The following TMEM135 variants were observed in gnomAD, a reference collection of about 807,000 sequenced individuals.
TMEM135 encodes transmembrane protein 135.
Under a neutral mutation model 60.3 loss-of-function variants are expected in TMEM135, and 30 were observed. The observed-to-expected ratio is 0.50, with a 90% CI of 0.37 to 0.68. The LOEUF is 0.68. TMEM135 is among the 30% of genes least tolerant of loss of function. TMEM135 has a pLI of 0.00. For synonymous variants in TMEM135, 190 were observed against 186.7 expected (o/e 1.02, Z -0.14); for missense variants, 468 against 548.8 (o/e 0.85, Z 1.47).
In TMEM135 at chr11:87,326,637, C is replaced by T. The variant is rs1438621990; in HGVS notation, c.*5304C>T. ...ATTCTTTTCTTTACCTTTCCTGGCCCATGCTTTCCTGCCATATCTTTGCTA... is the reference window on the plus strand; with the variant it reads ...ATTCTTTTCTTTACCTTTCCTGGCCTATGCTTTCCTGCCATATCTTTGCTA... On this transcript the variant is annotated 3_prime_UTR_variant, in exon 15 of 15. Coordinates refer to ENST00000305494, the MANE Select transcript of TMEM135 (RefSeq NM_022918.4). The T allele has an allele frequency of 1.1e-5, 5 of 453,882 alleles. No individual in the cohort carries two copies. Among genetic ancestry groups the T allele is most frequent in the Non-Finnish European group, 2.2e-5 (5 of 226,796 alleles). The allele number at this position is 453,882 out of a possible 1,614,324, so 28.1% of individuals were successfully genotyped here.
At position 87,277,969 on chromosome 11, in the gene TMEM135, C is replaced by T. The variant is rs186398571; in HGVS notation, c.510-17813C>T. On this transcript the variant is annotated intron_variant, in intron 6 of 14. Coordinates refer to ENST00000305494, the MANE Select transcript of TMEM135 (RefSeq NM_022918.4). Reference sequence around the variant, plus strand: ...TTTAAAACATTTTATCTATTTTTCCCTTGTAATGCATAGCTATGATTATGT... The same window carrying T: ...TTTAAAACATTTTATCTATTTTTCCTTTGTAATGCATAGCTATGATTATGT... Among the ~76,000 whole-genome samples, 210 of 152,226 alleles carry T rather than the reference C, an allele frequency of 1.4e-3. 1 individual carries two copies. The highest frequency in any genetic ancestry group is 4.8e-3 in the African/African-American group (199 of 41,536).
At chr11:87,136,338 T>C (rs1354862156) in intron 4 of TMEM135, among the ~76,000 whole-genome samples, 1 of 152,044 alleles carries the variant, frequency 6.6e-6, no homozygotes, top group Non-Finnish European at 1.5e-5. Context: ...TGTTTGGCCT[T>C]GTATCCTAGA....
chr11:87,144,574 A>G (rs929703105), intron 4 of TMEM135, among the ~76,000 whole-genome samples: 3 of 152,182 alleles, frequency 2.0e-5, no homozygotes, highest in African/African-American at 7.2e-5. Flanking sequence ...GTTTCTCATC[A>G]TGAGGGATTA....
intron 6 of TMEM135, among the ~76,000 whole-genome samples, chr11:87,264,543 C>T (rs767700715): frequency 3.3e-5 from 5 of 151,798 alleles, no homozygotes; most frequent in South Asian, 2.1e-4. Flanking sequence ...TGTTTATAAT[C>T]GCTCCTGATC....
intron 5 of TMEM135, among the ~76,000 whole-genome samples, chr11:87,228,634 T>C (rs1940819200): frequency 6.6e-6 from 1 of 152,100 alleles, no homozygotes; most frequent in South Asian, 2.1e-4. Context: ...TTGGAGATAC[T>C]CAAGAAGGAA....
At chr11:87,086,067 C>T (rs1260907010) in intron 3 of TMEM135, among the ~76,000 whole-genome samples, 2 of 152,144 alleles carry the variant, frequency 1.3e-5, no homozygotes, top group Non-Finnish European at 2.9e-5. Flanking sequence ...CTGATCACTT[C>T]TTTGCTAATA....
At chr11:87,054,606 C>T (rs1261014793) in intron 1 of TMEM135, among the ~76,000 whole-genome samples, 1 of 151,976 alleles carries the variant, frequency 6.6e-6, no homozygotes, top group Admixed American at 6.6e-5. Context: ...TTTTGTATAG[C>T]CCTTTGACTC....
At chr11:87,179,799 G>A (rs1463319096) in intron 5 of TMEM135, among the ~76,000 whole-genome samples, 2 of 152,118 alleles carry the variant, frequency 1.3e-5, no homozygotes, top group African/African-American at 2.4e-5. Context: ...ACTCTGTCCC[G>A]TGCATTCCAA....
At chr11:87,225,728 C>A (rs1222952908) in intron 5 of TMEM135, among the ~76,000 whole-genome samples, 1 of 151,956 alleles carries the variant, frequency 6.6e-6, no homozygotes, top group Admixed American at 6.6e-5. Flanking sequence ...TTTTTAGAGG[C>A]AGAGGGGTAT....
chr11:87,191,860 G>A (rs563206334), intron 5 of TMEM135, among the ~76,000 whole-genome samples: 3 of 151,992 alleles, frequency 2.0e-5, no homozygotes, highest in Non-Finnish European at 4.4e-5. Context: ...TTTTAAAGTA[G>A]CATTGGGAGT....
At chr11:87,267,460 T>G (rs1453048007) in intron 6 of TMEM135, among the ~76,000 whole-genome samples, 2 of 152,160 alleles carry the variant, frequency 1.3e-5, no homozygotes, top group African/African-American at 4.8e-5. Context: ...GGGGCTTTAT[T>G]ATATAGCAAA....
At chr11:87,318,028 A>G in intron 12 of TMEM135, 109 bp from the exon 13 acceptor site, 1 of 817,110 alleles carries the variant, frequency 1.2e-6, no homozygotes, top group East Asian at 2.5e-5. Context: ...TGAGCTCTGA[A>G]GGGAGTATTA....
intron 4 of TMEM135, among the ~76,000 whole-genome samples, chr11:87,120,109 TC>T (rs1565449177): frequency 7.4e-6 from 1 of 135,566 alleles, no homozygotes; most frequent in Non-Finnish European, 1.6e-5. Flanking sequence ...GTTTTTTTCT[TC>T]TTCTTCTTTT....
intron 6 of TMEM135, among the ~76,000 whole-genome samples, chr11:87,246,491 G>A (rs1446465482): frequency 5.3e-5 from 8 of 152,324 alleles, no homozygotes; most frequent in South Asian, 2.1e-4. Flanking sequence ...AGGTACACCA[G>A]TCAGACGTAG....
chr11:87,133,844 A>T (rs550988), intron 4 of TMEM135, among the ~76,000 whole-genome samples: 72,478 of 151,968 alleles, frequency 0.48, 17,581 homozygotes, highest in East Asian at 0.67. Flanking sequence ...TGAGATTCAT[A>T]TATTTTATTT....
At chr11:87,316,281 T>A (rs551989293) in intron 12 of TMEM135, among the ~76,000 whole-genome samples, 36 of 151,090 alleles carry the variant, frequency 2.4e-4, no homozygotes, top group African/African-American at 6.1e-4. Context: ...TGTGTGTGTG[T>A]GTGTGAGAGA....
chr11:87,081,299 A>AT (rs35860099), intron 3 of TMEM135, among the ~76,000 whole-genome samples: 2 of 149,002 alleles, frequency 1.3e-5, no homozygotes, highest in East Asian at 2.0e-4. Context: ...GTATTGTTTG[A>AT]TTTTTTTTGT....
intron 3 of TMEM135, among the ~76,000 whole-genome samples, chr11:87,085,296 G>C (rs1437252126): frequency 6.6e-6 from 1 of 152,140 alleles, no homozygotes; most frequent in Non-Finnish European, 1.5e-5. Flanking sequence ...GAGGTGATTT[G>C]GGGAAAGATA....
At chr11:87,276,665 A>ATTTTT (rs11340916) in intron 6 of TMEM135, among the ~76,000 whole-genome samples, 1,919 of 115,542 alleles carry the variant, frequency 0.017, 34 homozygotes, top group Non-Finnish European at 0.019. Context: ...GTGTTTGTGA[A>ATTTTT]TTTTTTTTTT....
Sources: gnomAD v4.1 joint callset for allele counts (sites outside exome capture counted in the v4.1 genomes callset) on GRCh38, gnomAD v4.1.1 for gene constraint, MANE v1.5 for transcripts, NCBI Gene and HGNC (gene_info 2026-07-23, HGNC 2026-07-21) for gene names.